Variants in BRINP3 observed in about 807,000 individuals in gnomAD.
BRINP3 encodes the protein BMP/retinoic acid-inducible neural-specific protein 3.
BRINP3 carries 19 observed loss-of-function variants against 71.0 expected under a neutral mutation model. The ratio of observed to expected loss-of-function variants is 0.27; its 90% CI spans 0.19 to 0.39. The LOEUF (loss-of-function observed/expected upper bound fraction) is 0.39. Ranked by LOEUF, BRINP3 falls within the 10% of genes least tolerant of loss-of-function variation. The pLI is 1.00. For missense variants in BRINP3, 959 were observed against 940.8 expected (o/e 1.02, Z -0.25); for synonymous variants, 380 against 337.7 (o/e 1.13, Z -1.37).
At chr1:190,126,730 T>G (rs1654115407) in intron 7 of BRINP3, among the ~76,000 whole-genome samples, 1 of 151,954 alleles carries the variant, frequency 6.6e-6, no homozygotes, top group African/African-American at 2.4e-5. Context: ...AGTCAATCAT[T>G]ATCATGTTAA....
chr1:190,315,474 A>G (rs1665819840), intron 2 of BRINP3, among the ~76,000 whole-genome samples: 1 of 152,180 alleles, frequency 6.6e-6, no homozygotes, highest in Admixed American at 6.6e-5. Flanking sequence ...CACAGAGAGC[A>G]CAGCCAAAGC....
At chr1:190,108,785 C>T (rs922507041) in intron 7 of BRINP3, among the ~76,000 whole-genome samples, 61 of 151,434 alleles carry the variant, frequency 4.0e-4, no homozygotes, top group African/African-American at 1.4e-3. Context: ...TTCTCACTAA[C>T]CAAAATATCA....
intron 1 of BRINP3, among the ~76,000 whole-genome samples, chr1:190,455,323 A>G (rs1327525896): frequency 1.3e-5 from 2 of 152,156 alleles, no homozygotes; most frequent in Non-Finnish European, 2.9e-5. Context: ...TTAATACTAG[A>G]TTTAATTTTA....
At chr1:190,182,511 T>C (rs1653116154) in intron 6 of BRINP3, among the ~76,000 whole-genome samples, 1 of 152,160 alleles carries the variant, frequency 6.6e-6, no homozygotes, top group Admixed American at 6.6e-5. Flanking sequence ...TTTTTACTTT[T>C]ACCATCTCAA....
At chr1:190,332,279 G>A (rs964046491) in intron 2 of BRINP3, among the ~76,000 whole-genome samples, 2 of 152,042 alleles carry the variant, frequency 1.3e-5, no homozygotes, top group Non-Finnish European at 1.5e-5. Context: ...TATGGTAAAT[G>A]GGTGCCAAAG....
At chr1:190,412,428 C>T (rs1404033774) in intron 2 of BRINP3, among the ~76,000 whole-genome samples, 6 of 138,314 alleles carry the variant, frequency 4.3e-5, no homozygotes, top group East Asian at 2.1e-4. Context: ...CTTTTTTTTA[C>T]TATGTAGTAC....
intron 2 of BRINP3, among the ~76,000 whole-genome samples, chr1:190,401,376 C>CAAA (rs762938571): frequency 8.7e-4 from 78 of 89,324 alleles, no homozygotes; most frequent in South Asian, 4.0e-3. Context: ...CATCTCAAAA[C>CAAA]AAAAAAAAAA....
chr1:190,229,774 A>T (rs144129550), intron 5 of BRINP3, among the ~76,000 whole-genome samples: 30 of 152,132 alleles, frequency 2.0e-4, no homozygotes, highest in African/African-American at 7.2e-4. Flanking sequence ...TTGAAACTAA[A>T]TCTTCTCTGA....
rs1250048249 is a variant in BRINP3 at position 190,157,690 on chromosome 1, G to T, written c.1184+2978C>A. ...GATCTTCACCCAGCCACATTTTCCA[G>T]GCATGGAATGTTCCCTGGGAGTACA... On this transcript the variant is annotated intron_variant, in intron 7 of 7. Transcript: ENST00000367462. Among the ~76,000 whole-genome samples, 4 of 151,988 alleles carry T rather than the reference G, an allele frequency of 2.6e-5. No homozygotes were observed. In the East Asian group the frequency reaches 7.7e-4, roughly 29 times the overall value.
chr1:190,106,518 C>T (rs1044406618), intron 7 of BRINP3, among the ~76,000 whole-genome samples: 5 of 151,086 alleles, frequency 3.3e-5, no homozygotes, highest in Admixed American at 6.6e-5. Flanking sequence ...TAGATCTGTT[C>T]GTCTGTGACC....
At chr1:190,475,211 A>G (rs1031782236) in intron 1 of BRINP3, among the ~76,000 whole-genome samples, 6 of 152,178 alleles carry the variant, frequency 3.9e-5, no homozygotes, top group African/African-American at 7.2e-5. Flanking sequence ...CAGTCAGACA[A>G]GGACAGTGAT....
intron 2 of BRINP3, among the ~76,000 whole-genome samples, chr1:190,304,883 C>G (rs948574412): frequency 6.6e-6 from 1 of 151,636 alleles, no homozygotes; most frequent in Admixed American, 6.6e-5. Flanking sequence ...GATTAATAAC[C>G]GAAATATACA....
chr1:190,300,320 C>T (rs1664582493), intron 2 of BRINP3, among the ~76,000 whole-genome samples: 2 of 152,016 alleles, frequency 1.3e-5, no homozygotes, highest in African/African-American at 4.8e-5. Context: ...TCGCTGATAC[C>T]CTTTCTTCCA....
intron 2 of BRINP3, among the ~76,000 whole-genome samples, chr1:190,317,858 T>G (rs1051946718): frequency 6.6e-6 from 1 of 152,106 alleles, no homozygotes; most frequent in Non-Finnish European, 1.5e-5. Context: ...TGTTATGCAC[T>G]CTAGCTGCAA....
At chr1:190,333,646 T>C (rs900409432) in intron 2 of BRINP3, among the ~76,000 whole-genome samples, 9 of 151,960 alleles carry the variant, frequency 5.9e-5, no homozygotes, top group African/African-American at 2.2e-4. Flanking sequence ...ATGAATAGCT[T>C]GTAGGACTGA....
intron 7 of BRINP3, among the ~76,000 whole-genome samples, chr1:190,143,784 T>C (rs1017251271): frequency 1.3e-5 from 2 of 152,150 alleles, no homozygotes; most frequent in African/African-American, 4.8e-5. Flanking sequence ...TTTAGCCAAA[T>C]TCAAGGTGGT....
At chr1:190,143,899 A>G (rs16832098) in intron 7 of BRINP3, among the ~76,000 whole-genome samples, 12,440 of 152,242 alleles carry the variant, frequency 0.082, 594 homozygotes, top group East Asian at 0.11. Flanking sequence ...TTGCATAGCC[A>G]TGACCATTTA....
At chr1:190,385,419 A>G (rs1487165306) in intron 2 of BRINP3, among the ~76,000 whole-genome samples, 1 of 152,096 alleles carries the variant, frequency 6.6e-6, no homozygotes, top group African/African-American at 2.4e-5. Flanking sequence ...AAGTGGGCAA[A>G]GGACATGAAC....
intron 2 of BRINP3, among the ~76,000 whole-genome samples, chr1:190,356,217 A>G (rs1273737781): frequency 1.3e-5 from 2 of 152,038 alleles, no homozygotes; most frequent in Non-Finnish European, 2.9e-5. Context: ...TCTAAATTTG[A>G]GCAGAATGCC....
Sources: gnomAD v4.1 joint callset for allele counts (sites outside exome capture counted in the v4.1 genomes callset) on GRCh38, gnomAD v4.1.1 for gene constraint, MANE v1.5 for transcripts, NCBI Gene and HGNC (gene_info 2026-07-23, HGNC 2026-07-21) for gene names.